The following PTPN3 variants were observed in gnomAD, a reference collection of about 807,000 sequenced individuals.
PTPN3 encodes protein tyrosine phosphatase non-receptor type 3.
Under a neutral mutation model 132.7 loss-of-function variants are expected in PTPN3, and 96 were observed. That is an observed-to-expected ratio of 0.72 (90% CI 0.61 to 0.86). PTPN3 has a LOEUF of 0.86. Among genes scored for constraint, PTPN3 ranks in the 40% least tolerant of loss-of-function variants. PTPN3 has a pLI of 0.00. For missense variants in PTPN3, 1,125 were observed against 1,159.6 expected, an observed-to-expected ratio of 0.97 and a Z score of 0.43; for synonymous variants, 398 against 429.0, an observed-to-expected ratio of 0.93 and a Z score of 0.89.
intron 19 of PTPN3, among the ~76,000 whole-genome samples, chr9:109,393,497 C>A (rs1588310599): frequency 6.6e-6 from 1 of 151,170 alleles, no homozygotes; most frequent in Non-Finnish European, 1.5e-5. Context: ...AGCGATTCTC[C>A]TGCCTCAGCC....
rs760099925 is a variant in PTPN3 at position 109,379,520 on chromosome 9, C to A, written c.*36G>T. 2.0e-5 allele frequency: 32 copies of A among 1,576,352 alleles called. No homozygotes were observed. Among genetic ancestry groups the A allele is most frequent in the Non-Finnish European group, 2.6e-5 (30 of 1,146,080 alleles). ...TGTCCTCCTCTTTCAAGGAGGATGC[C>A]CTTGGGAAAGAGGAATGAACTTTTT... On this transcript the variant is annotated 3_prime_UTR_variant, in exon 26 of 26. Coordinates refer to ENST00000374541, the MANE Select transcript of PTPN3 (RefSeq NM_002829.4).
At chr9:109,393,339 A>C (rs1336294975) in intron 19 of PTPN3, among the ~76,000 whole-genome samples, 1 of 151,714 alleles carries the variant, frequency 6.6e-6, no homozygotes, top group Non-Finnish European at 1.5e-5. Flanking sequence ...AACTTCTAAG[A>C]AGAGAATTAC....
chr9:109,484,172 C>T (rs1847097987), intron 1 of PTPN3, among the ~76,000 whole-genome samples: 1 of 152,198 alleles, frequency 6.6e-6, no homozygotes, highest in African/African-American at 2.4e-5. Context: ...CGCACACCAA[C>T]CACAGCTCTC....
In PTPN3 at chr9:109,410,279, C is replaced by A; in HGVS notation, c.1450G>T (p.Val484Leu). The A allele has an allele frequency of 3.1e-6, 5 of 1,614,016 alleles. No individual in the cohort carries two copies. Among genetic ancestry groups the A allele is most frequent in the East Asian group, 2.2e-5 (1 of 44,862 alleles). The change falls in exon 15 of 26, where the codon GTG becomes TTG. Residue 484 changes from valine to leucine, a missense_variant. Val to Leu is a conservative substitution (Grantham distance 32). Coordinates refer to ENST00000374541, the MANE Select transcript of PTPN3 (RefSeq NM_002829.4). ...DQQLLDDFHR[V>L]TKGGSTEDAS... ...TCCTCGGTGGAGCCCCCTTTGGTCA[C>A]CCTGTGGAAGTCATCTAAGAGCTGC...
chr9:109,459,437 C>T (rs1845722223), intron 2 of PTPN3, among the ~76,000 whole-genome samples: 1 of 152,252 alleles, frequency 6.6e-6, no homozygotes, highest in South Asian at 2.1e-4. Flanking sequence ...TCTCAAGTTC[C>T]ATGGGACTCA....
Position 109,406,442 on chromosome 9 carries a change from T to G in PTPN3, c.1792+20A>C. The G allele has an allele frequency of 6.2e-7, 1 of 1,606,872 alleles. No homozygotes were observed. Among genetic ancestry groups the G allele is most frequent in the Non-Finnish European group, 8.5e-7 (1 of 1,175,230 alleles). On this transcript the variant is annotated intron_variant, in intron 18 of 25. Coordinates refer to ENST00000374541, the MANE Select transcript of PTPN3 (RefSeq NM_002829.4). ...GCTAGGACAGCTTCCCTATGGCTCC[T>G]CCCCCCAGGTGGCCATTACCTCTCC... is the stretch of plus-strand genomic sequence containing the variant.
the PTPN3 span, among the ~76,000 whole-genome samples, chr9:109,513,429 G>C: frequency 1.3e-5 from 2 of 152,060 alleles, no homozygotes; most frequent in Non-Finnish European, 2.9e-5. Context: ...CCCCTGTTAC[G>C]AGCTCCCCTA....
At chr9:109,513,014 A>G in the PTPN3 span, among the ~76,000 whole-genome samples, 2 of 152,108 alleles carry the variant, frequency 1.3e-5, no homozygotes, top group Non-Finnish European at 2.9e-5. Context: ...TTCTTAATTC[A>G]TTAATTATTA....
chr9:109,429,138 T>A, intron 10 of PTPN3: 1 of 812,020 alleles, frequency 1.2e-6, no homozygotes, highest in Non-Finnish European at 1.5e-6. Context: ...TAGTCACCAT[T>A]AACTGAACAT....
rs148623186 is a variant in PTPN3 at position 109,380,356 on chromosome 9, A to T, written c.2665-723T>A. ...CTGCAACCTCCACCTCCTGGGTTCA[A>T]GCGATTCTCCTGCCTCAGCCTCCCA... On this transcript the variant is annotated intron_variant, in intron 25 of 25. Coordinates refer to ENST00000374541, the MANE Select transcript of PTPN3 (RefSeq NM_002829.4). Among the ~76,000 whole-genome samples the T allele has an allele frequency of 8.2e-3, 1,246 of 152,202 alleles. 19 individuals carry two copies. Among genetic ancestry groups the T allele is most frequent in the African/African-American group, 0.027 (1,122 of 41,520 alleles).
the PTPN3 span, chr9:109,532,904 G>A: frequency 1.0e-6 from 1 of 998,270 alleles, no homozygotes. Context: ...GGCTGCTTTT[G>A]TCTCTTTGCC....
intron 4 of PTPN3, among the ~76,000 whole-genome samples, chr9:109,455,910 T>C (rs747101826): frequency 5.3e-5 from 8 of 152,158 alleles, no homozygotes; most frequent in Non-Finnish European, 7.4e-5. Context: ...AAGCAGGAGT[T>C]AATGAGAGAA....
At chr9:109,534,249 G>A in the PTPN3 span, 14 of 1,505,928 alleles carry the variant, frequency 9.3e-6, no homozygotes, top group Non-Finnish European at 1.3e-5. Flanking sequence ...CCGTAGTGCC[G>A]GGCGTGGTGT....
chr9:109,501,739 C>G (rs898732832), upstream of PTPN3, among the ~76,000 whole-genome samples: 2 of 152,220 alleles, frequency 1.3e-5, no homozygotes, highest in African/African-American at 4.8e-5. Flanking sequence ...TACTCAGTCC[C>G]AGATCGACTG....
At chr9:109,458,956 TA>T (rs1845694635) in intron 2 of PTPN3, among the ~76,000 whole-genome samples, 2 of 152,372 alleles carry the variant, frequency 1.3e-5, no homozygotes, top group African/African-American at 4.8e-5. Context: ...TTGCAAAGTG[TA>T]GTAGTCATCA....
At chr9:109,506,471 C>G in the PTPN3 span, among the ~76,000 whole-genome samples, 2 of 60,914 alleles carry the variant, frequency 3.3e-5, no homozygotes, top group Admixed American at 4.2e-4. Flanking sequence ...ATTTCTCTCC[C>G]CTTCCTTCCT....
chr9:109,404,218 C>T (rs574941792), intron 19 of PTPN3, among the ~76,000 whole-genome samples: 55 of 152,280 alleles, frequency 3.6e-4, no homozygotes, highest in African/African-American at 1.1e-3. Flanking sequence ...CTTGCTGCTC[C>T]GAGCCTGAGA....
chr9:109,417,591 G>C, intron 14 of PTPN3: 1 of 981,672 alleles, frequency 1.0e-6, no homozygotes, highest in Non-Finnish European at 1.2e-6. Flanking sequence ...CTTCTTACCT[G>C]GAGCAATGGG....
At chr9:109,491,199 CAAAAAA>C (rs377168790) in intron 1 of PTPN3, among the ~76,000 whole-genome samples, 1 of 118,188 alleles carries the variant, frequency 8.5e-6, no homozygotes, top group African/African-American at 3.1e-5. Context: ...CACTCTCTCT[CAAAAAA>C]AAAAAAAAAA....
Sources: allele counts gnomAD v4.1 joint callset (sites outside exome capture counted in the v4.1 genomes callset), GRCh38; gene constraint gnomAD v4.1.1; transcripts MANE v1.5; gene names NCBI Gene and HGNC (gene_info 2026-07-23, HGNC 2026-07-21).